Variants in POU2F1 observed in about 807,000 individuals in gnomAD.
POU2F1 encodes the protein POU class 2 homeobox 1, also known as POU domain, class 2, transcription factor 1.
Under a neutral mutation model 84.9 loss-of-function variants are expected in POU2F1, and 16 were observed. That is an observed-to-expected ratio of 0.19 (90% confidence interval 0.13 to 0.29). The LOEUF (loss-of-function observed/expected upper bound fraction) is 0.29, where lower values mean the gene tolerates loss of function less well. POU2F1 is among the 10% of genes least tolerant of loss of function. The pLI is 1.00. For synonymous variants in POU2F1, 368 were observed against 368.3 expected (o/e 1.00, Z 0.01); for missense variants, 738 against 942.6 (o/e 0.78, Z 2.84).
chr1:167,308,225 C>A (rs1201589318), intron 1 of POU2F1, among the ~76,000 whole-genome samples: 1 of 151,962 alleles, frequency 6.6e-6, no homozygotes, highest in African/African-American at 2.4e-5. Flanking sequence ...CACCACCACG[C>A]CTGGCTAATT....
intron 8 of POU2F1, among the ~76,000 whole-genome samples, chr1:167,384,999 G>A (rs1647855232): frequency 6.6e-6 from 1 of 152,080 alleles, no homozygotes; most frequent in South Asian, 2.1e-4. Context: ...AGTGAGCTTA[G>A]CAAGTATGAT....
chr1:167,397,779 A>C (rs1265092682), intron 10 of POU2F1, among the ~76,000 whole-genome samples: 2 of 152,148 alleles, frequency 1.3e-5, no homozygotes, highest in Non-Finnish European at 1.5e-5. Context: ...TCCTGACCTC[A>C]AGTGATCCTC....
chr1:167,323,764 C>T (rs1007928772), intron 1 of POU2F1, among the ~76,000 whole-genome samples: 1 of 152,198 alleles, frequency 6.6e-6, no homozygotes, highest in African/African-American at 2.4e-5. Flanking sequence ...GCGATCTCGG[C>T]TCAATGCAAC....
chr1:167,252,965 A>G (rs1011389333), intron 1 of POU2F1, among the ~76,000 whole-genome samples: 4 of 152,212 alleles, frequency 2.6e-5, no homozygotes, highest in African/African-American at 9.6e-5. Flanking sequence ...TGACTGATTG[A>G]TGTGTACATC....
chr1:167,386,611 A>G (rs1648004525), intron 8 of POU2F1, among the ~76,000 whole-genome samples: 1 of 152,216 alleles, frequency 6.6e-6, no homozygotes, highest in South Asian at 2.1e-4. Flanking sequence ...ATTCACCTCA[A>G]ACTGGAAACA....
chr1:167,229,399 A>G (rs977809283), intron 1 of POU2F1, among the ~76,000 whole-genome samples: 3 of 152,120 alleles, frequency 2.0e-5, no homozygotes, highest in Admixed American at 2.0e-4. Flanking sequence ...ATTGGGTTGT[A>G]GATTCCTTGT....
chr1:167,272,879 T>C (rs2102473251), intron 1 of POU2F1, among the ~76,000 whole-genome samples: 1 of 152,134 alleles, frequency 6.6e-6, no homozygotes, highest in East Asian at 1.9e-4. Context: ...TCCCCCAGAA[T>C]CTTATTTCAG....
At chr1:167,269,822 G>A (rs924976572) in intron 1 of POU2F1, among the ~76,000 whole-genome samples, 1 of 151,122 alleles carries the variant, frequency 6.6e-6, no homozygotes. Flanking sequence ...GCTGAGACAG[G>A]AGAAGCACTT....
At chr1:167,321,324 A>C (rs1298081070) in intron 1 of POU2F1, among the ~76,000 whole-genome samples, 3 of 152,210 alleles carry the variant, frequency 2.0e-5, no homozygotes, top group African/African-American at 7.2e-5. Flanking sequence ...TTACCGCAGG[A>C]ATTGTAAATG....
chr1:167,259,771 T>G (rs1487702387), intron 1 of POU2F1, among the ~76,000 whole-genome samples: 1 of 152,214 alleles, frequency 6.6e-6, no homozygotes, highest in South Asian at 2.1e-4. Flanking sequence ...GATAGTGTAA[T>G]TTTGCCAGCC....
chr1:167,396,705 A>C lies in POU2F1; in HGVS notation c.1129+278A>C, dbSNP rs574762406. 19 of 328,910 alleles carry C rather than the reference A, an allele frequency of 5.8e-5. No individual in the cohort carries two copies. The South Asian group carries it at 1.1e-3, about 19-fold the overall frequency. The allele number at this position is 328,910 out of a possible 1,614,324, so 20.4% of individuals were successfully genotyped here. Reference sequence around the variant, plus strand: ...ATTAGGAACACACACACACACACACACACAGTTGAAGGAATAGGATAAGTA... The same window carrying C: ...ATTAGGAACACACACACACACACACCCACAGTTGAAGGAATAGGATAAGTA... On this transcript the variant is annotated intron_variant, in intron 10 of 15. Transcript: ENST00000367866.
At chr1:167,349,842 TAGG>T (rs1332552076) in intron 2 of POU2F1, among the ~76,000 whole-genome samples, 1 of 152,150 alleles carries the variant, frequency 6.6e-6, no homozygotes, top group Non-Finnish European at 1.5e-5. Context: ...TCATTCAAAA[TAGG>T]AGATGATTCA....
At chr1:167,314,870 G>A (rs113798091) in intron 1 of POU2F1, among the ~76,000 whole-genome samples, 9,399 of 152,136 alleles carry the variant, frequency 0.062, 909 homozygotes, top group African/African-American at 0.21. Context: ...CCCCAGTGTC[G>A]GAGGTGGGGC....
rs142266656 is a variant in POU2F1 at position 167,290,333 on chromosome 1, C to T, written c.62-42137C>T. On this transcript the variant is annotated intron_variant, in intron 1 of 15. Coordinates refer to ENST00000367866, the MANE Select transcript of POU2F1 (RefSeq NM_002697.4). ...GATTGATTGAACCCAGGAGTTTGAG[C>T]CTGCAGTGGGCAGTGATCGTGCCAT... Among the ~76,000 whole-genome samples, 13 of 152,144 alleles carry T rather than the reference C, an allele frequency of 8.5e-5. No homozygotes were observed. In the East Asian group the frequency reaches 1.4e-3, roughly 16 times the overall value.
intron 2 of POU2F1, among the ~76,000 whole-genome samples, chr1:167,339,878 A>T (rs1356812196): frequency 6.6e-6 from 1 of 152,258 alleles, no homozygotes; most frequent in Non-Finnish European, 1.5e-5. Flanking sequence ...GAATATGATG[A>T]TAGTGGCTAG....
chr1:167,363,287 C>A (rs771334574), intron 2 of POU2F1, among the ~76,000 whole-genome samples: 2 of 152,050 alleles, frequency 1.3e-5, no homozygotes, highest in Non-Finnish European at 2.9e-5. Flanking sequence ...CTTTTAAGTG[C>A]TTGTCTCGGT....
chr1:167,363,150 A>G (rs71632304), intron 2 of POU2F1, among the ~76,000 whole-genome samples: 3 of 152,166 alleles, frequency 2.0e-5, no homozygotes, highest in Non-Finnish European at 4.4e-5. Flanking sequence ...GTGCTTTGTG[A>G]CTTATAAGAA....
At position 167,352,486 on chromosome 1, in the gene POU2F1, A is replaced by G. The variant is rs76415260; in HGVS notation, c.128-12981A>G. On this transcript the variant is annotated intron_variant, in intron 2 of 15. Coordinates refer to ENST00000367866, the MANE Select transcript of POU2F1 (RefSeq NM_002697.4). Reference sequence around the variant, plus strand: ...GAGCATTGAATTGGAGTCCTTCGTCATTGGATGGTTTAGTAGAAAGGGCAA... The same window carrying G: ...GAGCATTGAATTGGAGTCCTTCGTCGTTGGATGGTTTAGTAGAAAGGGCAA... 6.0e-3 allele frequency among the ~76,000 whole-genome samples: 916 copies of G among 152,284 alleles called. 14 individuals carry two copies. The highest frequency in any genetic ancestry group is 0.021 in the African/African-American group (864 of 41,550).
chr1:167,377,687 G>A (rs1660422503), intron 7 of POU2F1, among the ~76,000 whole-genome samples: 1 of 152,120 alleles, frequency 6.6e-6, no homozygotes, highest in South Asian at 2.1e-4. Flanking sequence ...TAAACTATTA[G>A]GTTCAGGGTT....
Sources: allele counts gnomAD v4.1 joint callset (sites outside exome capture counted in the v4.1 genomes callset), GRCh38; gene constraint gnomAD v4.1.1; transcripts MANE v1.5; gene names NCBI Gene and HGNC (gene_info 2026-07-23, HGNC 2026-07-21).